LY75: variants seen among roughly 807,000 people sequenced by gnomAD.
LY75 encodes C-type lectin domain family 13 member B.
Under a neutral mutation model 231.7 loss-of-function variants are expected in LY75, and 185 were observed. The observed-to-expected ratio is 0.80, with a 90% CI of 0.71 to 0.90. LY75 has a LOEUF of 0.90. LY75 is among the 40% of genes least tolerant of loss of function. The probability of loss-of-function intolerance (pLI) is 0.00; values close to 1 mark genes in which losing one functional copy is unlikely to be tolerated. For synonymous variants in LY75, 668 were observed against 689.0 expected (o/e 0.97, Z 0.48); for missense variants, 1,947 against 2,050.2 (o/e 0.95, Z 0.97).
chr2:159,862,971 A>G (rs998896916), intron 14 of LY75, among the ~76,000 whole-genome samples: 5 of 150,744 alleles, frequency 3.3e-5, no homozygotes, highest in Admixed American at 2.6e-4. Flanking sequence ...CATCTGCCCC[A>G]GCTCTTGGAA....
Position 159,881,139 on chromosome 2 carries a change from T to C in LY75, c.1348A>G (p.Asn450Asp), listed in dbSNP as rs761988745. ...TEVTLTYWDE[N>D]EPNVPYNKTP... Reference sequence around the variant, plus strand: ...TTATTGTAGGGAACATTTGGCTCATTCTCATCCCAATATGTTAGAGTAACT... The same window carrying C: ...TTATTGTAGGGAACATTTGGCTCATCCTCATCCCAATATGTTAGAGTAACT... Residue 450 changes from asparagine (N) to aspartate (D), a missense_variant, in exon 8 of 35, where the codon AAT (asparagine) becomes GAT (aspartate). Coordinates refer to ENST00000263636, the MANE Select transcript of LY75 (RefSeq NM_002349.4). 10 of 1,613,806 alleles carry C rather than the reference T, an allele frequency of 6.2e-6. No individual in the cohort carries two copies. Among genetic ancestry groups the C allele is most frequent in the Admixed American group, 1.7e-5 (1 of 59,974 alleles).
At chr2:159,891,093 C>T (rs1685741461) in intron 3 of LY75, among the ~76,000 whole-genome samples, 1 of 152,114 alleles carries the variant, frequency 6.6e-6, no homozygotes, top group Admixed American at 6.6e-5. Flanking sequence ...TGTGTACTCC[C>T]CACAAGAGGG....
intron 28 of LY75, among the ~76,000 whole-genome samples, chr2:159,821,215 TA>T (rs35783239): frequency 0.24 from 35,262 of 144,286 alleles, 4,569 homozygotes; most frequent in East Asian, 0.47. Flanking sequence ...TATCCACATG[TA>T]AAAAAAAAAA....
chr2:159,878,817 CT>C (rs2058866716), intron 9 of LY75, 96 bp from the exon 10 acceptor site: 1 of 1,365,766 alleles, frequency 7.3e-7, no homozygotes, highest in African/African-American at 1.5e-5. Flanking sequence ...CGTCTTAGAA[CT>C]TGTGGAAATT....
At position 159,831,847 on chromosome 2, in the gene LY75, A is replaced by G. The variant is rs1295518977; in HGVS notation, c.3842-61T>C. ...TACTTATCTAGTACACTTCTATTTG[A>G]TAAGTTTAAAACATTTTAGTTCTCA... On this transcript the variant is annotated intron_variant, in intron 27 of 34. Coordinates refer to ENST00000263636, the MANE Select transcript of LY75 (RefSeq NM_002349.4). 1.2e-5 allele frequency: 16 copies of G among 1,379,382 alleles called. No individual in the cohort carries two copies. In the African/African-American group the frequency reaches 1.2e-4, roughly 10 times the overall value. The allele number at this position is 1,379,382 out of a possible 1,614,324, so 85.4% of individuals were successfully genotyped here.
intron 9 of LY75, 70 bp downstream of exon 9, chr2:159,879,189 T>A (rs34716891): frequency 6.6e-7 from 1 of 1,522,240 alleles, no homozygotes; most frequent in Admixed American, 2.1e-5. Flanking sequence ...GTTATTTAAG[T>A]CTCAGCTACC....
chr2:159,813,230 C>T (rs1683016391), intron 31 of LY75, among the ~76,000 whole-genome samples: 1 of 152,170 alleles, frequency 6.6e-6, no homozygotes, highest in Non-Finnish European at 1.5e-5. Context: ...AGAATTGCCA[C>T]ACCATTTTGC....
intron 28 of LY75, among the ~76,000 whole-genome samples, chr2:159,830,870 C>A (rs2125840691): frequency 6.6e-6 from 1 of 152,296 alleles, no homozygotes; most frequent in Middle Eastern, 3.4e-3. Context: ...GCGTGGGACG[C>A]TACACCTGGC....
chr2:159,878,600 A>G (rs777605374), intron 10 of LY75, 33 bp downstream of exon 10: 1 of 1,613,598 alleles, frequency 6.2e-7, no homozygotes, highest in South Asian at 1.1e-5. Flanking sequence ...CAGAGTTGAA[A>G]GTTTATGAGT....
intron 28 of LY75, among the ~76,000 whole-genome samples, chr2:159,826,925 C>T (rs759006223): frequency 2.6e-5 from 4 of 151,808 alleles, no homozygotes; most frequent in African/African-American, 4.8e-5. Flanking sequence ...TGAAACTGGA[C>T]CCCCCTTCCT....
chr2:159,844,815 G>A, intron 23 of LY75, among the ~76,000 whole-genome samples: 1 of 141,148 alleles, frequency 7.1e-6, no homozygotes, highest in Admixed American at 7.1e-5. Flanking sequence ...TTAAATTTCA[G>A]CTTTTATTTT....
intron 6 of LY75, 36 bp from the exon 7 acceptor site, chr2:159,882,351 A>C: frequency 6.3e-7 from 1 of 1,599,578 alleles, no homozygotes; most frequent in Non-Finnish European, 8.5e-7. Context: ...TCCAGTAAAG[A>C]TACATCTATT....
intron 13 of LY75, among the ~76,000 whole-genome samples, chr2:159,870,347 A>G (rs1340187414): frequency 1.3e-5 from 2 of 152,044 alleles, no homozygotes; most frequent in African/African-American, 2.4e-5. Context: ...GCTACTTGGG[A>G]GGCTGAAGTG....
chr2:159,848,085 TATATATATAC>T (rs372694545), intron 23 of LY75, among the ~76,000 whole-genome samples: 148 of 33,340 alleles, frequency 4.4e-3, no homozygotes, highest in Middle Eastern at 7.7e-3. Flanking sequence ...TATATATATA[TATATATATAC>T]ACACACACAT....
Position 159,904,596 on chromosome 2 carries a change from G to C in LY75, c.87C>G (p.Gly29=), listed in dbSNP as rs1159260506. ...FWFFDLAEPS[G]RAANDPFTIV... ...TGGCGTGCCCGCGGTTACCTGCGCG[G>C]CCAGAGGGCTCCGCGAGATCGAAGA... Residue 29 remains glycine, a synonymous_variant, in exon 1 of 35, where the codon GGC becomes GGG. Transcript: ENST00000263636. The C allele has an allele frequency of 6.6e-7, 1 of 1,508,398 alleles. No homozygotes were observed. The highest frequency in any genetic ancestry group is 2.1e-5 in the Admixed American group (1 of 46,668). The allele number at this position is 1,508,398 out of a possible 1,614,324, so 93.4% of individuals were successfully genotyped here. A position where few individuals can be genotyped will look rare whatever the true frequency, so the allele number is the denominator to read the frequency against.
At chr2:159,875,686 A>C in intron 11 of LY75, 43 bp from the exon 12 acceptor site, 1 of 1,606,050 alleles carries the variant, frequency 6.2e-7, no homozygotes, top group Non-Finnish European at 8.5e-7. Flanking sequence ...TAAAACGTTA[A>C]AGTTCAAACA....
chr2:159,860,995 A>G (rs752664782), intron 14 of LY75, 106 bp from the exon 15 acceptor site: 28 of 1,202,092 alleles, frequency 2.3e-5, no homozygotes, highest in Non-Finnish European at 3.4e-5. Flanking sequence ...GATATGCCAC[A>G]GAAAGAAAAC....
chr2:159,872,535 C>T lies in LY75; in HGVS notation c.2033G>A (p.Cys678Tyr), dbSNP rs767892730. The T allele has an allele frequency of 6.2e-7, 1 of 1,613,990 alleles. No homozygotes were observed. The highest frequency in any genetic ancestry group is 8.5e-7 in the Non-Finnish European group (1 of 1,179,944). ...KRNWEEAERFCQALGAHLSSF... is the reference protein window; with the variant it reads ...KRNWEEAERFYQALGAHLSSF... ...AGAAAGGTGTGCTCCAAGGGCTTGG[C>T]AGAATCGTTCAGCTTCTTCCCAGTT... The change falls in exon 13 of 35, where the codon TGC (cysteine) becomes TAC (tyrosine). Residue 678 changes from cysteine to tyrosine, a missense_variant. Coordinates refer to ENST00000263636, the MANE Select transcript of LY75 (RefSeq NM_002349.4).
chr2:159,894,140 A>T (rs1237118325), intron 2 of LY75, 56 bp from the exon 3 acceptor site: 3 of 1,528,112 alleles, frequency 2.0e-6, no homozygotes, highest in Non-Finnish European at 2.6e-6. Context: ...AGTCAGCGTC[A>T]GGTGGCTAAT....
Sources: gnomAD v4.1 joint callset for allele counts (sites outside exome capture counted in the v4.1 genomes callset) on GRCh38, gnomAD v4.1.1 for gene constraint, MANE v1.5 for transcripts, NCBI Gene and HGNC (gene_info 2026-07-23, HGNC 2026-07-21) for gene names.